The following CHCHD6 variants were observed in gnomAD, a reference collection of about 807,000 sequenced individuals.
CHCHD6 encodes the protein coiled-coil-helix-coiled-coil-helix domain containing 6.
CHCHD6 carries 28 observed loss-of-function variants against 32.3 expected under a neutral mutation model. That is an observed-to-expected ratio of 0.87 (90% CI 0.64 to 1.19). CHCHD6 has a LOEUF of 1.19. CHCHD6 is among the 50% of genes most tolerant of loss of function. The pLI is 0.00. For missense variants in CHCHD6, 333 were observed against 307.0 expected (o/e 1.08, Z -0.63); for synonymous variants, 122 against 117.5 (o/e 1.04, Z -0.25).
At chr3:126,822,310 A>G (rs1940185638) in intron 4 of CHCHD6, among the ~76,000 whole-genome samples, 1 of 152,206 alleles carries the variant, frequency 6.6e-6, no homozygotes, top group Non-Finnish European at 1.5e-5. Flanking sequence ...TCATCTGTTG[A>G]AAAGACTATT....
chr3:126,733,866 C>G (rs1320944760), intron 4 of CHCHD6, among the ~76,000 whole-genome samples: 3 of 152,174 alleles, frequency 2.0e-5, no homozygotes, highest in Non-Finnish European at 4.4e-5. Flanking sequence ...CATGAGAAGT[C>G]TCAAGTGCCC....
At chr3:126,815,345 G>T (rs1939838271) in intron 4 of CHCHD6, among the ~76,000 whole-genome samples, 1 of 152,092 alleles carries the variant, frequency 6.6e-6, no homozygotes, top group Non-Finnish European at 1.5e-5. Flanking sequence ...TCCTCTGTAT[G>T]CCAGAGACTC....
At chr3:126,759,721 G>A (rs748143286) in intron 4 of CHCHD6, among the ~76,000 whole-genome samples, 11 of 152,064 alleles carry the variant, frequency 7.2e-5, no homozygotes, top group African/African-American at 2.4e-4. Flanking sequence ...AGCTCCTGTC[G>A]CTCTTGGCAC....
At chr3:126,934,225 A>G (rs2078445248) in intron 6 of CHCHD6, among the ~76,000 whole-genome samples, 1 of 152,264 alleles carries the variant, frequency 6.6e-6, no homozygotes, top group South Asian at 2.1e-4. Flanking sequence ...GTGCTGTAAA[A>G]GATGACTGGT....
At chr3:126,739,121 C>G (rs1168115654) in intron 4 of CHCHD6, among the ~76,000 whole-genome samples, 1 of 151,828 alleles carries the variant, frequency 6.6e-6, no homozygotes, top group Non-Finnish European at 1.5e-5. Flanking sequence ...TGGAGATCTG[C>G]ATTGCCTGTG....
chr3:126,851,659 G>A (rs1463751480), intron 4 of CHCHD6, among the ~76,000 whole-genome samples: 1 of 152,214 alleles, frequency 6.6e-6, no homozygotes, highest in African/African-American at 2.4e-5. Flanking sequence ...GGGTAGAGGC[G>A]GGCCCTGGGG....
Position 126,727,129 on chromosome 3 carries a change from G to A in CHCHD6, c.139G>A (p.Ala47Thr), listed in dbSNP as rs373228245. The change falls in exon 2 of 8, where the codon GCT becomes ACT. Residue 47 changes from alanine to threonine, a missense_variant. Physicochemically the swap from Ala to Thr is moderately conservative, Grantham distance 58 (BLOSUM62 0). Coordinates refer to ENST00000290913, the MANE Select transcript of CHCHD6 (RefSeq NM_032343.3). ...RMKEPSSPPPAPTSSTFGLQD... is the reference protein window; with the variant it reads ...RMKEPSSPPPTPTSSTFGLQD... ...GAAGGAGCCCAGCTCTCCACCCCCTGCTCCCACATCTTCTACCTTTGGCCT... is the reference window on the plus strand; with the variant it reads ...GAAGGAGCCCAGCTCTCCACCCCCTACTCCCACATCTTCTACCTTTGGCCT... 6.2e-6 allele frequency: 10 copies of A among 1,614,126 alleles called. No individual in the cohort carries two copies. In the African/African-American group the frequency reaches 1.3e-4, roughly 22 times the overall value.
Position 126,934,536 on chromosome 3 carries a change from C to CCTT in CHCHD6, c.566+19786_566+19787insCTT, listed in dbSNP as rs1491268081. On this transcript the variant is annotated intron_variant, in intron 6 of 7. Transcript: ENST00000290913. ...CTTGGAATGCACCCTCCCCTCTCTG[C>CCTT]TTTTTTTTTTTTTTTTTTTTTTTTT... Among the ~76,000 whole-genome samples, 155 of 58,250 alleles carry CCTT rather than the reference C, an allele frequency of 2.7e-3. 2 individuals are homozygous for CCTT. The highest frequency in any genetic ancestry group is 1.0e-2 in the African/African-American group (140 of 14,008). 38.2% of individuals were successfully genotyped at this position (58,250 alleles called of 152,430 possible).
chr3:126,937,962 C>T (rs568433136), intron 6 of CHCHD6, among the ~76,000 whole-genome samples: 1 of 152,296 alleles, frequency 6.6e-6, no homozygotes, highest in African/African-American at 2.4e-5. Context: ...GCCTTTTCTC[C>T]AAGCCACATG....
rs745480263 is a variant in CHCHD6, at chr3:126,733,212, C to G, written c.401C>G (p.Ser134Ter). The change falls in exon 4 of 8, where the codon TCA (serine) becomes TGA (stop). Residue 134 changes from serine to a stop codon, truncating the protein, a stop_gained. Coordinates refer to ENST00000290913, the MANE Select transcript of CHCHD6 (RefSeq NM_032343.3). LOFTEE classifies it high-confidence loss of function. ...AGCATCAGCCATGAGGAGCAGAAGTCAGTCCGGCTGGTGAGTGCAGATTTT... is the reference window on the plus strand; with the variant it reads ...AGCATCAGCCATGAGGAGCAGAAGTGAGTCCGGCTGGTGAGTGCAGATTTT... ...EGSISHEEQK[S>*]VRLARELESR... is the part of the protein sequence containing the mutation. 2 of 1,613,796 alleles carry G rather than the reference C, an allele frequency of 1.2e-6. No individual in the cohort carries two copies. Among genetic ancestry groups the G allele is most frequent in the South Asian group, 2.2e-5 (2 of 90,966 alleles).
At chr3:126,802,443 C>A (rs1417039568) in intron 4 of CHCHD6, among the ~76,000 whole-genome samples, 1 of 152,044 alleles carries the variant, frequency 6.6e-6, no homozygotes, top group Non-Finnish European at 1.5e-5. Context: ...CTGATGCGAT[C>A]AACTGGAAGA....
intron 4 of CHCHD6, among the ~76,000 whole-genome samples, chr3:126,773,733 G>A (rs1034213935): frequency 1.3e-5 from 2 of 150,342 alleles, no homozygotes; most frequent in Non-Finnish European, 2.9e-5. Flanking sequence ...ATCCTTCCAA[G>A]TAGCTGGGAT....
chr3:126,894,443 A>G (rs2077808894), intron 5 of CHCHD6, among the ~76,000 whole-genome samples: 1 of 152,232 alleles, frequency 6.6e-6, no homozygotes. Flanking sequence ...ATAGGGAGAA[A>G]GGGGCAGGGA....
intron 4 of CHCHD6, among the ~76,000 whole-genome samples, chr3:126,825,722 T>C (rs915463015): frequency 2.0e-5 from 3 of 152,228 alleles, no homozygotes; most frequent in African/African-American, 7.2e-5. Flanking sequence ...AACTTTCTTT[T>C]AGTGTTTGCA....
intron 4 of CHCHD6, among the ~76,000 whole-genome samples, chr3:126,742,393 G>A (rs1027650983): frequency 2.6e-5 from 4 of 152,138 alleles, no homozygotes; most frequent in South Asian, 2.1e-4. Context: ...CTGAGCTTCC[G>A]GTATCTCCCC....
chr3:126,938,159 G>A (rs1451681988), intron 6 of CHCHD6, among the ~76,000 whole-genome samples: 1 of 152,186 alleles, frequency 6.6e-6, no homozygotes, highest in Non-Finnish European at 1.5e-5. Flanking sequence ...TTTCCATCAG[G>A]GAAATTGGCA....
Position 126,960,206 on chromosome 3 carries a change from C to A in CHCHD6, c.*5C>A. On this transcript the variant is annotated 3_prime_UTR_variant, in exon 8 of 8. Coordinates refer to ENST00000290913, the MANE Select transcript of CHCHD6 (RefSeq NM_032343.3). ...CTGTTCTCTTTGTAGGGCTGAGGAGCAGACATCATTCCCTGCCCTGGCAGT... is the reference window on the plus strand; with the variant it reads ...CTGTTCTCTTTGTAGGGCTGAGGAGAAGACATCATTCCCTGCCCTGGCAGT... 1.3e-6 allele frequency: 2 copies of A among 1,551,458 alleles called. No individual in the cohort carries two copies. Among genetic ancestry groups the A allele is most frequent in the Non-Finnish European group, 8.7e-7 (1 of 1,146,858 alleles).
At chr3:126,804,827 C>T (rs565452190) in intron 4 of CHCHD6, among the ~76,000 whole-genome samples, 1 of 152,112 alleles carries the variant, frequency 6.6e-6, no homozygotes, top group South Asian at 2.1e-4. Context: ...CCAAATCCAG[C>T]AGCACATCAA....
intron 5 of CHCHD6, among the ~76,000 whole-genome samples, chr3:126,897,633 G>C (rs903533545): frequency 4.6e-5 from 7 of 152,294 alleles, no homozygotes; most frequent in East Asian, 1.9e-4. Flanking sequence ...TCATCTCTCT[G>C]AACCTGTTTT....
Sources: gnomAD v4.1 joint callset for allele counts (sites outside exome capture counted in the v4.1 genomes callset) on GRCh38, gnomAD v4.1.1 for gene constraint, MANE v1.5 for transcripts, NCBI Gene and HGNC (gene_info 2026-07-23, HGNC 2026-07-21) for gene names.